The following IL1A variants were observed in gnomAD, a reference collection of about 807,000 sequenced individuals.
The protein encoded by IL1A is interleukin-1 alpha.
Under a neutral mutation model 22.2 loss-of-function variants are expected in IL1A, and 16 were observed. The observed-to-expected ratio is 0.72, with a 90% CI of 0.49 to 1.09. The LOEUF (loss-of-function observed/expected upper bound fraction) is 1.09. IL1A is among the 50% of genes least tolerant of loss of function. The probability of loss-of-function intolerance (pLI) is 0.00; values close to 1 mark genes in which losing one functional copy is unlikely to be tolerated. For missense variants in IL1A, 317 were observed against 321.8 expected (o/e 0.99, Z 0.11); for synonymous variants, 113 against 118.5 (o/e 0.95, Z 0.30).
Position 112,776,355 on chromosome 2 carries a change from T to G in IL1A, c.616-1088A>C, listed in dbSNP as rs1261753772. 3.9e-5 allele frequency among the ~76,000 whole-genome samples: 6 copies of G among 152,164 alleles called. 1 individual carries two copies. In the South Asian group the frequency reaches 8.3e-4, roughly 21 times the overall value. Reference sequence around the variant, plus strand: ...AAAATGCCCCAGTTCCAAGAATGCTTCTTCTGATCCTTGGAGCTGTCCTTT... The same window carrying G: ...AAAATGCCCCAGTTCCAAGAATGCTGCTTCTGATCCTTGGAGCTGTCCTTT... On this transcript the variant is annotated intron_variant, in intron 6 of 6. Coordinates refer to ENST00000263339, the MANE Select transcript of IL1A (RefSeq NM_000575.5).
intron 4 of IL1A, among the ~76,000 whole-genome samples, chr2:112,780,596 A>T (rs1386291083): frequency 6.6e-6 from 1 of 152,236 alleles, no homozygotes; most frequent in African/African-American, 2.4e-5. Flanking sequence ...GATGTATGCC[A>T]TTGGGCAGTT....
rs1411277948 is a variant in IL1A at position 112,783,742 on chromosome 2, T to A, written c.29A>T (p.Asp10Val). MAKVPDMFE[D>V]LKNCYSENEE... ...TCCTTACCTGTAACAGTTCTTCAGG[T>A]CTTCAAACATGTCTGGAACTTTGGC... The change falls in exon 2 of 7, where the codon GAC becomes GTC. Residue 10 changes from aspartate (D) to valine (V), a missense_variant. Physicochemically the swap from Asp to Val is radical, Grantham distance 152 (BLOSUM62 -3). Transcript: ENST00000263339. 30 of 1,613,950 alleles carry A rather than the reference T, an allele frequency of 1.9e-5. No homozygotes were observed. The highest frequency in any genetic ancestry group is 2.5e-5 in the Non-Finnish European group (30 of 1,179,836).
chr2:112,782,591 G>T, intron 3 of IL1A, 125 bp downstream of exon 3: 1 of 681,498 alleles, frequency 1.5e-6, no homozygotes, highest in Admixed American at 2.4e-5. Context: ...TGAAAGACAG[G>T]TCTCTGGACC....
At chr2:112,778,765 A>C (rs1041283781) in intron 5 of IL1A, among the ~76,000 whole-genome samples, 12 of 152,272 alleles carry the variant, frequency 7.9e-5, no homozygotes, top group African/African-American at 2.9e-4. Flanking sequence ...CACGATGTCA[A>C]TATTGGGAAA....
At chr2:112,778,947 C>T (rs762421261) in intron 5 of IL1A, among the ~76,000 whole-genome samples, 19 of 152,244 alleles carry the variant, frequency 1.2e-4, no homozygotes, top group Non-Finnish European at 2.2e-4. Flanking sequence ...AAAACATGTC[C>T]GCCATGAAAA....
chr2:112,778,373 T>G (rs1329571912), intron 5 of IL1A, among the ~76,000 whole-genome samples: 1 of 152,194 alleles, frequency 6.6e-6, no homozygotes, highest in Non-Finnish European at 1.5e-5. Flanking sequence ...CTACGTTGAA[T>G]GAATCCTTCG....
Position 112,778,104 on chromosome 2 carries a change from A to G in IL1A, c.498T>C (p.Phe166=). 1 of 1,612,900 alleles carries G rather than the reference A, an allele frequency of 6.2e-7. No individual in the cohort carries two copies. Residue 166 remains phenylalanine (F), a synonymous_variant, in exon 6 of 7, where the codon TTT becomes TTC. Transcript: ENST00000263339. ...TTGATGACTTATAAGCACCCATGTC[A>G]AATTTCACTGGTGAAGAGAAGAACC... ...ALHNLDEAVK[F]DMGAYKSSKD... is the part of the protein sequence containing the mutation.
At position 112,777,237 on chromosome 2, in the gene IL1A, C is replaced by T. The variant is rs191246744; in HGVS notation, c.615+750G>A. Reference sequence around the variant, plus strand: ...ACCACTGTCCACACTGCTGTTGGCACTATGCCTGAAAAATAGAAGGCTCTC... The same window carrying T: ...ACCACTGTCCACACTGCTGTTGGCATTATGCCTGAAAAATAGAAGGCTCTC... On this transcript the variant is annotated intron_variant, in intron 6 of 6. Coordinates refer to ENST00000263339, the MANE Select transcript of IL1A (RefSeq NM_000575.5). Among the ~76,000 whole-genome samples, 24 of 152,178 alleles carry T rather than the reference C, an allele frequency of 1.6e-4. 1 individual carries two copies. In the East Asian group the frequency reaches 3.5e-3, roughly 22 times the overall value.
intron 6 of IL1A, among the ~76,000 whole-genome samples, chr2:112,776,030 C>T (rs1482556503): frequency 6.6e-6 from 1 of 152,092 alleles, no homozygotes; most frequent in Non-Finnish European, 1.5e-5. Flanking sequence ...TTTCCCTTCT[C>T]AGTAAATGTT....
intron 4 of IL1A, among the ~76,000 whole-genome samples, chr2:112,779,998 C>G (rs1681169034): frequency 7.3e-6 from 1 of 137,884 alleles, no homozygotes; most frequent in Admixed American, 7.4e-5. Context: ...TCTATGTTTT[C>G]AAATGAATGC....
At chr2:112,780,355 C>T (rs1193388214) in intron 4 of IL1A, among the ~76,000 whole-genome samples, 2 of 152,210 alleles carry the variant, frequency 1.3e-5, no homozygotes, top group Non-Finnish European at 2.9e-5. Flanking sequence ...TACCATAGTG[C>T]TGGCAGTAGT....
rs929765520 is a variant in IL1A, at chr2:112,778,200, G to A, written c.491-89C>T. Reference sequence around the variant, plus strand: ...TGTAGATTGTGTGTGCATGGTGTGTGTGTGTGTGTGTGTGTGTGTGTGTGT... The same window carrying A: ...TGTAGATTGTGTGTGCATGGTGTGTATGTGTGTGTGTGTGTGTGTGTGTGT... On this transcript the variant is annotated intron_variant, in intron 5 of 6. Coordinates refer to ENST00000263339, the MANE Select transcript of IL1A (RefSeq NM_000575.5). The A allele has an allele frequency of 4.2e-5, 32 of 769,864 alleles. No homozygotes were observed. The African/African-American group carries it at 4.9e-4, about 12-fold the overall frequency. 47.7% of individuals were successfully genotyped at this position (769,864 alleles called of 1,614,324 possible). A position where few individuals can be genotyped will look rare whatever the true frequency, so the allele number is the denominator to read the frequency against.
Position 112,775,132 on chromosome 2 carries a change from A to T in IL1A, c.751T>A (p.Trp251Arg), listed in dbSNP as rs1207396212. 2.5e-6 allele frequency: 4 copies of T among 1,614,100 alleles called. No homozygotes were observed. The African/African-American group carries it at 4.0e-5, about 16-fold the overall frequency. The change falls in exon 7 of 7, where the codon TGG (tryptophan) becomes AGG (arginine). Residue 251 changes from tryptophan to arginine, a missense_variant. Physicochemically the swap from Trp to Arg is moderately radical, Grantham distance 101 (BLOSUM62 -3). Transcript: ENST00000263339. ...NLFIATKQDY[W>R]VCLAGGPPSI... ...GGTGGCCCCCCTGCCAAGCACACCC[A>T]GTAGTCTTGCTTTGTGGCAATAAAC...
At chr2:112,775,441 T>C (rs1171261593) in intron 6 of IL1A, among the ~76,000 whole-genome samples, 174 bp from the exon 7 acceptor site, 1 of 152,234 alleles carries the variant, frequency 6.6e-6, no homozygotes, top group Non-Finnish European at 1.5e-5. Context: ...ATTACATGCC[T>C]AGTAGATGTG....
At chr2:112,781,521 C>T in intron 4 of IL1A, 83 bp downstream of exon 4, 2 of 1,048,406 alleles carry the variant, frequency 1.9e-6, no homozygotes, top group Admixed American at 1.7e-5. Context: ...ATTCTGACTC[C>T]ACGTTTAATT....
intron 1 of IL1A, among the ~76,000 whole-genome samples, chr2:112,784,227 T>C (rs1467550227): frequency 6.6e-6 from 1 of 152,238 alleles, no homozygotes. Flanking sequence ...AAACTAGTTC[T>C]GCTGTCCCTC....
At position 112,778,367 on chromosome 2, in the gene IL1A, G is replaced by A. The variant is rs148339968; in HGVS notation, c.491-256C>T. ...GGTTAATGTTCTTAGAATTTTCTACGTTGAATGAATCCTTCGGGGCTGAAT... is the reference window on the plus strand; with the variant it reads ...GGTTAATGTTCTTAGAATTTTCTACATTGAATGAATCCTTCGGGGCTGAAT... On this transcript the variant is annotated intron_variant, in intron 5 of 6. Coordinates refer to ENST00000263339, the MANE Select transcript of IL1A (RefSeq NM_000575.5). 1.4e-4 allele frequency among the ~76,000 whole-genome samples: 22 copies of A among 152,188 alleles called. 1 individual carries two copies. Among genetic ancestry groups the A allele is most frequent in the Admixed American group, 5.2e-4 (8 of 15,294 alleles).
Position 112,775,277 on chromosome 2 carries a change from AAAG to A in IL1A, c.616-13_616-11del, listed in dbSNP as rs753034784. ...GTATCTCAGGCATCTCCTATGAAGA[AAAG>A]AAGAGAATTCTGTTAGAGAACAAGA... On this transcript the variant is annotated splice_polypyrimidine_tract_variant and intron_variant, in intron 6 of 6. Transcript: ENST00000263339. The A allele has an allele frequency of 1.9e-6, 3 of 1,605,296 alleles. No homozygotes were observed. Among genetic ancestry groups the A allele is most frequent in the East Asian group, 2.2e-5 (1 of 44,842 alleles).
intron 4 of IL1A, among the ~76,000 whole-genome samples, chr2:112,781,205 G>A (rs1533463): frequency 0.71 from 107,980 of 151,304 alleles, 39,672 homozygotes; most frequent in African/African-American, 0.86. Context: ...CTTTACAGCA[G>A]TCCAATGAGT....
Sources: gnomAD v4.1 joint callset for allele counts (sites outside exome capture counted in the v4.1 genomes callset) on GRCh38, gnomAD v4.1.1 for gene constraint, MANE v1.5 for transcripts, NCBI Gene and HGNC (gene_info 2026-07-23, HGNC 2026-07-21) for gene names.